Variants in ADD3 observed in about 807,000 individuals in gnomAD.
ADD3 encodes adducin 3, also known as gamma-adducin.
ADD3 carries 25 observed loss-of-function variants against 80.2 expected under a neutral mutation model. That is an observed-to-expected ratio of 0.31 (90% CI 0.23 to 0.44). The LOEUF (loss-of-function observed/expected upper bound fraction) is 0.44. Among genes scored for constraint, ADD3 ranks in the 20% least tolerant of loss-of-function variants. The probability of loss-of-function intolerance (pLI) is 1.00; values close to 1 mark genes in which losing one functional copy is unlikely to be tolerated. For missense variants in ADD3, 829 were observed against 847.5 expected, an observed-to-expected ratio of 0.98 and a Z score of 0.27; for synonymous variants, 284 against 289.6, an observed-to-expected ratio of 0.98 and a Z score of 0.20.
chr10:110,092,365 A>G (rs1298301939), intron 1 of ADD3, among the ~76,000 whole-genome samples: 2 of 152,214 alleles, frequency 1.3e-5, no homozygotes, highest in African/African-American at 2.4e-5. Flanking sequence ...TGGTACATAT[A>G]TACCTTCGAA....
chr10:110,029,828 A>T (rs1054456432), intron 1 of ADD3, among the ~76,000 whole-genome samples: 4 of 152,238 alleles, frequency 2.6e-5, no homozygotes, highest in African/African-American at 9.6e-5. Context: ...TAAAGGTATG[A>T]TTGTCCAAAT....
At chr10:110,062,372 C>G (rs1220754308) in intron 1 of ADD3, among the ~76,000 whole-genome samples, 1 of 150,758 alleles carries the variant, frequency 6.6e-6, no homozygotes, top group African/African-American at 2.5e-5. Flanking sequence ...CCAATGCAGG[C>G]CATTGCACTG....
At chr10:110,048,908 G>A (rs1857188854) in intron 1 of ADD3, among the ~76,000 whole-genome samples, 1 of 152,168 alleles carries the variant, frequency 6.6e-6, no homozygotes, top group Non-Finnish European at 1.5e-5. Flanking sequence ...AAAACAATGG[G>A]GAAAATGTTT....
At chr10:110,027,458 C>A (rs755909507) in intron 1 of ADD3, among the ~76,000 whole-genome samples, 17 of 151,834 alleles carry the variant, frequency 1.1e-4, no homozygotes, top group Non-Finnish European at 2.2e-4. Flanking sequence ...AAGAAACGGG[C>A]GGGAAATTAG....
rs375173019 is a variant in ADD3, at chr10:110,088,008, C to G, written c.-29-12617C>G. 5.9e-5 allele frequency among the ~76,000 whole-genome samples: 9 copies of G among 152,238 alleles called. No homozygotes were observed. In the East Asian group the frequency reaches 1.2e-3, roughly 20 times the overall value. On this transcript the variant is annotated intron_variant, in intron 1 of 14. Transcript: ENST00000356080. ...CTTGGTCCCTAGGCTTGTGCTGCAT[C>G]GGTTCAATCTCTGCCCTGTCATCAT...
At chr10:109,999,363 T>C (rs1851439744) in intron 1 of ADD3, among the ~76,000 whole-genome samples, 1 of 152,172 alleles carries the variant, frequency 6.6e-6, no homozygotes, top group East Asian at 1.9e-4. Context: ...ATGCATACGC[T>C]TCCTCCTGCC....
intron 1 of ADD3, among the ~76,000 whole-genome samples, chr10:110,098,049 AC>A (rs1346258799): frequency 6.6e-6 from 1 of 152,190 alleles, no homozygotes; most frequent in Non-Finnish European, 1.5e-5. Flanking sequence ...TGCTGGGATT[AC>A]AGGCATAAGC....
intron 1 of ADD3, among the ~76,000 whole-genome samples, chr10:110,049,843 C>T (rs527997700): frequency 2.7e-4 from 40 of 150,492 alleles, no homozygotes; most frequent in African/African-American, 8.3e-4. Flanking sequence ...GCCGAGATCG[C>T]GCCACTGCAC....
chr10:109,997,025 A>G (rs1027930360), intron 1 of ADD3, among the ~76,000 whole-genome samples: 4 of 152,230 alleles, frequency 2.6e-5, no homozygotes, highest in African/African-American at 9.6e-5. Flanking sequence ...TTATATTTCA[A>G]GCAACTGAGG....
intron 1 of ADD3, among the ~76,000 whole-genome samples, chr10:110,071,219 C>T (rs1053534002): frequency 6.6e-6 from 1 of 152,022 alleles, no homozygotes; most frequent in African/African-American, 2.4e-5. Flanking sequence ...TTTAAAAATG[C>T]CTACAGAGCC....
chr10:110,012,663 T>A (rs948989599), intron 1 of ADD3, among the ~76,000 whole-genome samples: 1 of 152,222 alleles, frequency 6.6e-6, no homozygotes, highest in African/African-American at 2.4e-5. Flanking sequence ...CTTGTAAGTT[T>A]GTTTCTTGAA....
At chr10:110,096,427 A>G (rs1848162335) in intron 1 of ADD3, among the ~76,000 whole-genome samples, 1 of 152,216 alleles carries the variant, frequency 6.6e-6, no homozygotes, top group East Asian at 1.9e-4. Context: ...CACCAGTAAC[A>G]CCAGTTTTCA....
intron 1 of ADD3, among the ~76,000 whole-genome samples, chr10:110,048,354 G>C (rs1342353766): frequency 2.6e-5 from 4 of 152,200 alleles, no homozygotes; most frequent in Non-Finnish European, 5.9e-5. Flanking sequence ...CAGGAGTGGG[G>C]TGCTGCTGTA....
intron 1 of ADD3, among the ~76,000 whole-genome samples, chr10:110,013,300 G>T (rs1852545105): frequency 6.6e-6 from 1 of 151,358 alleles, no homozygotes; most frequent in Non-Finnish European, 1.5e-5. Context: ...ATGGGGTTTT[G>T]CCATGTTGGC....
At chr10:110,127,401 G>A (rs1322426208) in intron 12 of ADD3, among the ~76,000 whole-genome samples, 5 of 152,136 alleles carry the variant, frequency 3.3e-5, no homozygotes, top group Non-Finnish European at 7.3e-5. Flanking sequence ...GGCAGATCAC[G>A]AGGTCAAGAG....
chr10:110,046,477 C>G (rs1043190683), intron 1 of ADD3, among the ~76,000 whole-genome samples: 1 of 147,376 alleles, frequency 6.8e-6, no homozygotes, highest in East Asian at 2.0e-4. Context: ...CCATGTTGTT[C>G]AAGGGTCATC....
intron 1 of ADD3, among the ~76,000 whole-genome samples, chr10:110,050,125 A>G (rs1367321265): frequency 6.6e-6 from 1 of 152,170 alleles, no homozygotes; most frequent in Non-Finnish European, 1.5e-5. Flanking sequence ...GTTAATGCTG[A>G]AATGAGTTAA....
intron 1 of ADD3, among the ~76,000 whole-genome samples, chr10:110,008,538 G>C (rs1851918656): frequency 6.6e-6 from 1 of 152,180 alleles, no homozygotes; most frequent in Admixed American, 6.5e-5. Context: ...TGCGGGGGAG[G>C]GTCCGGGGGT....
chr10:110,112,805 T>C lies in ADD3; in HGVS notation c.224T>C (p.Ile75Thr). Residue 75 changes from isoleucine (I) to threonine (T), a missense_variant, in exon 3 of 15, where the codon ATT becomes ACT. Physicochemically the swap from Ile to Thr is moderately conservative, Grantham distance 89. Transcript: ENST00000356080. Reference protein sequence around the residue: ...PAFREDLECLIQEQMKKGHNP... With the variant: ...PAFREDLECLTQEQMKKGHNP... ...TTTCGGGAAGACTTGGAATGCCTTA[T>C]TCAAGAACAGATGAAGAAAGGCCAC... 6.2e-7 allele frequency: 1 copy of C among 1,614,114 alleles called. No individual in the cohort carries two copies. Among genetic ancestry groups the C allele is most frequent in the Non-Finnish European group, 8.5e-7 (1 of 1,179,994 alleles).
Sources: allele counts gnomAD v4.1 joint callset (sites outside exome capture counted in the v4.1 genomes callset), GRCh38; gene constraint gnomAD v4.1.1; transcripts MANE v1.5; gene names NCBI Gene and HGNC (gene_info 2026-07-23, HGNC 2026-07-21).